AXDND1: variants seen among roughly 807,000 people sequenced by gnomAD.
AXDND1 encodes the protein axonemal dynein light chain domain containing 1.
A neutral mutation model predicts 137.5 loss-of-function variants in AXDND1; 110 were observed. The observed-to-expected ratio is 0.80, with a 90% CI of 0.69 to 0.94. AXDND1 has a LOEUF of 0.94. AXDND1 is among the 40% of genes least tolerant of loss of function. The pLI, the probability that AXDND1 is intolerant of heterozygous loss-of-function variation, is 0.00. For synonymous variants in AXDND1, 414 were observed against 399.7 expected, an observed-to-expected ratio of 1.04 and a Z score of -0.43; for missense variants, 1,191 against 1,169.8, an observed-to-expected ratio of 1.02 and a Z score of -0.26.
rs146153605 is a variant in AXDND1, at chr1:179,382,750, C to T, written c.632C>T (p.Pro211Leu). 3 of 1,591,950 alleles carry T rather than the reference C, an allele frequency of 1.9e-6. No homozygotes were observed. The highest frequency in any genetic ancestry group is 2.6e-6 in the Non-Finnish European group (3 of 1,160,488). ...AGTGAAAACAGGCTATTGCTCTTCC[C>T]ATCCATGTAAGTACAGTTTATTTTC... ...TDSENRLLLF[P>L]SMKPNKRVEV... The change falls in exon 7 of 26, where the codon CCA becomes CTA. Residue 211 changes from proline to leucine, a missense_variant. By Grantham distance (98) the Pro-to-Leu change is moderately conservative. Transcript: ENST00000367618.
At chr1:179,456,483 C>G (rs1661424657) in intron 16 of AXDND1, 1 of 768,986 alleles carries the variant, frequency 1.3e-6, no homozygotes, top group South Asian at 1.3e-5. Context: ...GCTATTATAG[C>G]TGCCACTCCC....
intron 18 of AXDND1, among the ~76,000 whole-genome samples, chr1:179,485,377 C>G (rs1665920828): frequency 6.6e-6 from 1 of 152,180 alleles, no homozygotes; most frequent in South Asian, 2.1e-4. Context: ...AAGCTGGGGA[C>G]CTGATACCAG....
At chr1:179,432,214 C>A in intron 14 of AXDND1, 53 bp from the exon 15 acceptor site, 1 of 1,474,554 alleles carries the variant, frequency 6.8e-7, no homozygotes, top group Non-Finnish European at 9.0e-7. Context: ...AACTGATGAT[C>A]TTGTTTATGT....
Position 179,384,836 on chromosome 1 carries a change from C to T in AXDND1, c.742-402C>T, listed in dbSNP as rs149855916. Among the ~76,000 whole-genome samples the T allele has an allele frequency of 3.7e-3, 561 of 151,358 alleles. 5 individuals carry two copies. Among genetic ancestry groups the T allele is most frequent in the African/African-American group, 0.013 (542 of 41,224 alleles). On this transcript the variant is annotated intron_variant, in intron 8 of 25. Transcript: ENST00000367618. ...GCTGGAGTACACTGTGATTATGGCTCACTGCAGCTGCAACCTCCCTGGGCT... is the reference window on the plus strand; with the variant it reads ...GCTGGAGTACACTGTGATTATGGCTTACTGCAGCTGCAACCTCCCTGGGCT...
At chr1:179,442,750 A>T (rs1659172141) in intron 15 of AXDND1, among the ~76,000 whole-genome samples, 1 of 152,132 alleles carries the variant, frequency 6.6e-6, no homozygotes, top group African/African-American at 2.4e-5. Flanking sequence ...TGTCAATTTT[A>T]GTTCCTCTGT....
At chr1:179,459,253 A>T (rs1215527409) in intron 16 of AXDND1, among the ~76,000 whole-genome samples, 1 of 152,162 alleles carries the variant, frequency 6.6e-6, no homozygotes, top group African/African-American at 2.4e-5. Context: ...CAGCCTCCTG[A>T]GTAGCTGGGA....
At chr1:179,420,279 C>T (rs552530195) in intron 12 of AXDND1, among the ~76,000 whole-genome samples, 178 of 152,248 alleles carry the variant, frequency 1.2e-3, no homozygotes, top group Non-Finnish European at 2.1e-3. Context: ...TCCTCATATC[C>T]CTGAGATGAA....
intron 12 of AXDND1, among the ~76,000 whole-genome samples, chr1:179,419,574 G>C (rs1180075288): frequency 2.1e-5 from 3 of 145,640 alleles, no homozygotes; most frequent in African/African-American, 7.5e-5. Context: ...GTACAGTCCA[G>C]CTTCAGCTCG....
intron 18 of AXDND1, among the ~76,000 whole-genome samples, chr1:179,490,197 C>T (rs1180698023): frequency 1.3e-5 from 2 of 152,064 alleles, no homozygotes; most frequent in African/African-American, 2.4e-5. Context: ...ATGACTATAA[C>T]AGAGATATAT....
chr1:179,461,772 T>G (rs900177147), intron 16 of AXDND1, among the ~76,000 whole-genome samples: 14 of 152,328 alleles, frequency 9.2e-5, no homozygotes, highest in African/African-American at 3.4e-4. Flanking sequence ...TTCACACCCC[T>G]TGTAAGTTGG....
intron 15 of AXDND1, among the ~76,000 whole-genome samples, chr1:179,444,578 C>T (rs1659461666): frequency 6.6e-6 from 1 of 151,474 alleles, no homozygotes; most frequent in Non-Finnish European, 1.5e-5. Context: ...TAAAATACAA[C>T]TTGTATATTC....
chr1:179,494,161 A>G (rs1667213413), intron 20 of AXDND1, among the ~76,000 whole-genome samples: 1 of 152,136 alleles, frequency 6.6e-6, no homozygotes, highest in Non-Finnish European at 1.5e-5. Context: ...CGTGTTGACC[A>G]GGCTGGTCTC....
At chr1:179,526,552 C>T (rs147485300) in intron 22 of AXDND1, among the ~76,000 whole-genome samples, 11 of 152,332 alleles carry the variant, frequency 7.2e-5, no homozygotes, top group Admixed American at 7.2e-4. Context: ...GATTGCCTAA[C>T]ACTCTCTACA....
chr1:179,395,081 T>C lies in AXDND1; in HGVS notation c.1005-17T>C, dbSNP rs1024504573. The stretch of plus-strand genomic sequence containing the variant: ...AATCTCCAAATATGAATTAAAAATT[T>C]CTTTGCTTTATTTCAGGGAACTGTG... On this transcript the variant is annotated splice_polypyrimidine_tract_variant and intron_variant, in intron 10 of 25. Transcript: ENST00000367618. 6.3e-7 allele frequency: 1 copy of C among 1,577,928 alleles called. No individual in the cohort carries two copies. Among genetic ancestry groups the C allele is most frequent in the Non-Finnish European group, 8.6e-7 (1 of 1,167,428 alleles).
In AXDND1 at chr1:179,540,760, A is replaced by G. The variant is rs568070890; in HGVS notation, c.3031+5798A>G. Among the ~76,000 whole-genome samples, 25 of 152,322 alleles carry G rather than the reference A, an allele frequency of 1.6e-4. 1 individual carries two copies. In the South Asian group the frequency reaches 2.1e-3, roughly 13 times the overall value. On this transcript the variant is annotated intron_variant, in intron 25 of 25. Coordinates refer to ENST00000367618, the MANE Select transcript of AXDND1 (RefSeq NM_144696.6). The stretch of plus-strand genomic sequence containing the variant: ...ACTGCTCTCTTCAGAGCTGTCAGGC[A>G]TTTAAGTCTGCTGAAGCTGTGCCCA...
At chr1:179,442,132 GCAGCA>G (rs1315203817) in intron 15 of AXDND1, among the ~76,000 whole-genome samples, 2 of 152,174 alleles carry the variant, frequency 1.3e-5, no homozygotes, top group Non-Finnish European at 2.9e-5. Context: ...TCCAGCTATG[GCAGCA>G]CAGCGTAAAA....
At chr1:179,378,492 TA>T in intron 4 of AXDND1, 144 bp from the exon 5 acceptor site, 1 of 449,628 alleles carries the variant, frequency 2.2e-6, no homozygotes, top group Non-Finnish European at 3.7e-6. Flanking sequence ...GCCTCAGTCT[TA>T]GTAAAGTGTT....
chr1:179,529,606 T>C (rs1489828213), intron 23 of AXDND1, among the ~76,000 whole-genome samples: 1 of 152,196 alleles, frequency 6.6e-6, no homozygotes, highest in Non-Finnish European at 1.5e-5. Context: ...GAAGCTTGGC[T>C]GGCAAAGGTG....
chr1:179,456,554 T>C (rs1661433553), intron 16 of AXDND1: 1 of 779,532 alleles, frequency 1.3e-6, no homozygotes, highest in South Asian at 1.3e-5. Context: ...CTCTGCTTCC[T>C]CCGGAGTAAC....
Sources: allele counts gnomAD v4.1 joint callset (sites outside exome capture counted in the v4.1 genomes callset), GRCh38; gene constraint gnomAD v4.1.1; transcripts MANE v1.5; gene names NCBI Gene and HGNC (gene_info 2026-07-23, HGNC 2026-07-21).